AKT3: variants seen among roughly 807,000 people sequenced by gnomAD.
AKT3 encodes the protein AKT serine/threonine kinase 3.
In AKT3, 15 loss-of-function variants were observed where a neutral mutation model predicts 65.3. The ratio of observed to expected loss-of-function variants is 0.23; its 90% confidence interval spans 0.15 to 0.35. The LOEUF (loss-of-function observed/expected upper bound fraction) is 0.35. Ranked by LOEUF, AKT3 falls within the 10% of genes least tolerant of loss-of-function variation. The pLI is 1.00. For missense variants in AKT3, 243 were observed against 576.5 expected (o/e 0.42, Z 5.92); for synonymous variants, 206 against 183.8 (o/e 1.12, Z -0.98).
At chr1:243,714,333 T>A (rs1686360590) in intron 2 of AKT3, among the ~76,000 whole-genome samples, 1 of 152,214 alleles carries the variant, frequency 6.6e-6, no homozygotes. Context: ...TTAAACAATG[T>A]GTCCACTTTG....
At chr1:243,583,195 T>TATATATATATACACAC (rs759291565) in intron 8 of AKT3, among the ~76,000 whole-genome samples, 1 of 88,324 alleles carries the variant, frequency 1.1e-5, no homozygotes, top group Non-Finnish European at 2.1e-5. Context: ...TATATATATA[T>TATATATATATACACAC]ACACACACAC....
chr1:243,566,195 T>A (rs777640439), intron 9 of AKT3, among the ~76,000 whole-genome samples: 2 of 152,202 alleles, frequency 1.3e-5, no homozygotes, highest in Non-Finnish European at 2.9e-5. Context: ...TAGCTCCGTG[T>A]GTGTGTACGT....
chr1:243,598,807 T>C (rs1456036337), intron 8 of AKT3, among the ~76,000 whole-genome samples: 1 of 152,222 alleles, frequency 6.6e-6, no homozygotes, highest in Admixed American at 6.5e-5. Flanking sequence ...TTATATTTAT[T>C]GGGTTTATTT....
chr1:243,661,246 C>T (rs1341205574), intron 4 of AKT3, among the ~76,000 whole-genome samples: 3 of 152,160 alleles, frequency 2.0e-5, no homozygotes, highest in Non-Finnish European at 4.4e-5. Flanking sequence ...GCCTGCATTG[C>T]CAAGTCAATC....
chr1:243,678,188 G>T (rs1683663996), intron 3 of AKT3, among the ~76,000 whole-genome samples: 1 of 152,110 alleles, frequency 6.6e-6, no homozygotes, highest in Non-Finnish European at 1.5e-5. Flanking sequence ...ACTTTAAGGG[G>T]AAGGTATAGA....
chr1:243,705,948 T>C (rs1227537397), intron 2 of AKT3, among the ~76,000 whole-genome samples: 1 of 152,158 alleles, frequency 6.6e-6, no homozygotes, highest in Non-Finnish European at 1.5e-5. Flanking sequence ...CAAAAAGTAG[T>C]CATAGAATTT....
chr1:243,841,671 C>G (rs1032316860), intron 2 of AKT3, among the ~76,000 whole-genome samples: 1 of 152,044 alleles, frequency 6.6e-6, no homozygotes, highest in African/African-American at 2.4e-5. Context: ...AATATCATTC[C>G]TAAGTTATTA....
intron 2 of AKT3, among the ~76,000 whole-genome samples, chr1:243,770,734 GAA>G (rs5782267): frequency 2.9e-4 from 41 of 139,102 alleles, no homozygotes; most frequent in African/African-American, 1.1e-3. Flanking sequence ...ATTCTAAATA[GAA>G]AAAAAAAAAA....
In AKT3 at chr1:243,656,306, C is replaced by A. The variant is rs78215385; in HGVS notation, c.284+8466G>T. On this transcript the variant is annotated intron_variant, in intron 4 of 13. Coordinates refer to ENST00000673466, the MANE Select transcript of AKT3 (RefSeq NM_005465.7). ...TACTTCATACAAAAATCAATTTTCA[C>A]CAACTGATTAGTTACTTACTAATAA... Among the ~76,000 whole-genome samples the A allele has an allele frequency of 7.1e-4, 108 of 152,150 alleles. No homozygotes were observed. The East Asian group carries it at 0.017, about 24-fold the overall frequency.
intron 5 of AKT3, among the ~76,000 whole-genome samples, chr1:243,642,553 C>T (rs562847394): frequency 1.3e-5 from 2 of 152,198 alleles, no homozygotes; most frequent in East Asian, 1.9e-4. Flanking sequence ...TTGTGATCCG[C>T]CCACCTTGGC....
intron 8 of AKT3, among the ~76,000 whole-genome samples, chr1:243,575,418 G>A (rs1225050933): frequency 6.6e-6 from 1 of 152,150 alleles, no homozygotes; most frequent in African/African-American, 2.4e-5. Context: ...AGCATTGAGT[G>A]CGGTAACATT....
chr1:243,648,763 TTTCTAA>T (rs1284778662), intron 4 of AKT3, among the ~76,000 whole-genome samples: 2 of 152,132 alleles, frequency 1.3e-5, no homozygotes, highest in Non-Finnish European at 2.9e-5. Flanking sequence ...GATATTGGGT[TTTCTAA>T]TGTTTTCTTG....
At chr1:243,695,075 C>A (rs917946903) in intron 3 of AKT3, among the ~76,000 whole-genome samples, 2 of 151,834 alleles carry the variant, frequency 1.3e-5, no homozygotes, top group African/African-American at 4.8e-5. Context: ...TATGTTCATG[C>A]AAATACAAAA....
chr1:243,706,819 A>G (rs1029666380), intron 2 of AKT3, among the ~76,000 whole-genome samples: 1 of 152,196 alleles, frequency 6.6e-6, no homozygotes, highest in African/African-American at 2.4e-5. Flanking sequence ...CTGGTGCTGC[A>G]GTATTCTCAC....
intron 12 of AKT3, among the ~76,000 whole-genome samples, chr1:243,520,640 A>G (rs1027716466): frequency 1.3e-5 from 2 of 152,306 alleles, no homozygotes; most frequent in South Asian, 4.1e-4. Context: ...TGCAAACAAC[A>G]TATTTTTCTG....
intron 9 of AKT3, among the ~76,000 whole-genome samples, chr1:243,564,159 CT>C (rs939912021): frequency 6.6e-6 from 1 of 152,104 alleles, no homozygotes; most frequent in Non-Finnish European, 1.5e-5. Context: ...CATCAATCCT[CT>C]TTTTTTAAAA....
chr1:243,543,425 ATT>A (rs1293925379), intron 12 of AKT3, among the ~76,000 whole-genome samples: 2 of 148,444 alleles, frequency 1.3e-5, no homozygotes, highest in Admixed American at 1.4e-4. Flanking sequence ...TACCTCAACC[ATT>A]GTCTCTTAAA....
rs1418546146 is a variant in AKT3 at position 243,645,977 on chromosome 1, C to T, written c.345G>A (p.Glu115=). 23 of 1,613,046 alleles carry T rather than the reference C, an allele frequency of 1.4e-5. No homozygotes were observed. Among genetic ancestry groups the T allele is most frequent in the Non-Finnish European group, 1.6e-5 (19 of 1,179,288 alleles). Residue 115 remains glutamate (E), a synonymous_variant, in exon 5 of 14, where the codon GAG becomes GAA. Transcript: ENST00000673466. ...VADRLQRQEE[E]RMNCSPTSQI... is the part of the protein sequence containing the mutation. ...GTGAAGTTGGACTACAATTCATTCT[C>T]TCCTCTTCTTGCCTCTGCAGTCTGT...
At chr1:243,691,219 G>T (rs575106280) in intron 3 of AKT3, among the ~76,000 whole-genome samples, 1 of 152,326 alleles carries the variant, frequency 6.6e-6, no homozygotes, top group South Asian at 2.1e-4. Context: ...AAGCAGCATA[G>T]GTTGTACAGG....
Sources: gnomAD v4.1 joint callset for allele counts (sites outside exome capture counted in the v4.1 genomes callset) on GRCh38, gnomAD v4.1.1 for gene constraint, MANE v1.5 for transcripts, NCBI Gene and HGNC (gene_info 2026-07-23, HGNC 2026-07-21) for gene names.